The following XXYLT1 variants were observed in gnomAD, a reference collection of about 807,000 sequenced individuals.
XXYLT1 encodes the protein xyloside xylosyltransferase 1, also known as UDP-xylose:alpha-xyloside alpha-1,3-xylosyltransferase.
Under a neutral mutation model 28.9 loss-of-function variants are expected in XXYLT1, and 20 were observed. That is an observed-to-expected ratio of 0.69 (90% CI 0.49 to 1.00). The LOEUF (loss-of-function observed/expected upper bound fraction) is 1.00, where lower values mean the gene tolerates loss of function less well. XXYLT1 is among the 50% of genes least tolerant of loss of function. The pLI is 0.00. For synonymous variants in XXYLT1, 257 were observed against 253.8 expected (o/e 1.01, Z -0.12); for missense variants, 542 against 560.1 (o/e 0.97, Z 0.33).
At chr3:195,197,909 G>A (rs986671679) in intron 2 of XXYLT1, among the ~76,000 whole-genome samples, 2 of 152,224 alleles carry the variant, frequency 1.3e-5, no homozygotes, top group African/African-American at 4.8e-5. Flanking sequence ...CAAGGCTAGG[G>A]AAGAGCTCTA....
intron 3 of XXYLT1, among the ~76,000 whole-genome samples, chr3:195,123,843 C>T (rs1718487974): frequency 6.6e-6 from 1 of 152,198 alleles, no homozygotes; most frequent in African/African-American, 2.4e-5. Flanking sequence ...CCGCCCAGGA[C>T]ATCACCAGAA....
intron 2 of XXYLT1, among the ~76,000 whole-genome samples, chr3:195,224,224 T>C (rs1174404481): frequency 6.6e-6 from 1 of 152,166 alleles, no homozygotes; most frequent in Non-Finnish European, 1.5e-5. Context: ...AAAGACTGTG[T>C]GTTTGGGTCG....
intron 1 of XXYLT1, among the ~76,000 whole-genome samples, chr3:195,236,840 C>G (rs1348836939): frequency 6.6e-6 from 1 of 152,112 alleles, no homozygotes; most frequent in Non-Finnish European, 1.5e-5. Context: ...GGGTCCTTCC[C>G]TTCAGGGCAG....
chr3:195,204,341 C>CAA (rs962372077), intron 2 of XXYLT1, among the ~76,000 whole-genome samples: 6 of 106,780 alleles, frequency 5.6e-5, no homozygotes, highest in East Asian at 2.6e-4. Flanking sequence ...GACTCTGTCT[C>CAA]AAAAAAAAAA....
intron 2 of XXYLT1, among the ~76,000 whole-genome samples, chr3:195,182,854 C>T (rs1252040854): frequency 1.3e-5 from 2 of 152,204 alleles, no homozygotes; most frequent in African/African-American, 4.8e-5. Context: ...AAACAACTCC[C>T]TGAACCCCAA....
At chr3:195,254,676 G>A (rs942354174) in intron 1 of XXYLT1, among the ~76,000 whole-genome samples, 2 of 152,210 alleles carry the variant, frequency 1.3e-5, no homozygotes, top group South Asian at 2.1e-4. Flanking sequence ...AGGACCATGA[G>A]GTGGCATGCT....
chr3:195,184,609 A>G, intron 2 of XXYLT1: 1 of 985,384 alleles, frequency 1.0e-6, no homozygotes, highest in Non-Finnish European at 1.2e-6. Flanking sequence ...GAAACATTTA[A>G]GTCTCCCTGA....
At chr3:195,141,079 G>C (rs1348408306) in intron 3 of XXYLT1, among the ~76,000 whole-genome samples, 5 of 152,160 alleles carry the variant, frequency 3.3e-5, no homozygotes, top group Admixed American at 2.6e-4. Context: ...CCACATACCT[G>C]ATCTGCCAGC....
rs1719712783 is a variant in XXYLT1 at position 195,144,234 on chromosome 3, T to C, written c.785+12215A>G. Reference sequence around the variant, plus strand: ...TCCATCTCGAGTGTGATATGGCATGTGGACCGGGGACTGGGCCTCTTCTAA... The same window carrying C: ...TCCATCTCGAGTGTGATATGGCATGCGGACCGGGGACTGGGCCTCTTCTAA... On this transcript the variant is annotated intron_variant, in intron 3 of 3. Transcript: ENST00000310380. Among the ~76,000 whole-genome samples, 3 of 150,698 alleles carry C rather than the reference T, an allele frequency of 2.0e-5. No homozygotes were observed. In the Admixed American group the frequency reaches 2.0e-4, roughly 10 times the overall value.
chr3:195,180,636 G>C lies in XXYLT1; in HGVS notation c.653-24055C>G, dbSNP rs1176443844. ...TGGCTAAGAGCACCAGACGGCGGTGGCTGGAGCACCCCGTGCCACTGCAAA... is the reference window on the plus strand; with the variant it reads ...TGGCTAAGAGCACCAGACGGCGGTGCCTGGAGCACCCCGTGCCACTGCAAA... On this transcript the variant is annotated intron_variant, in intron 2 of 3. Coordinates refer to ENST00000310380, the MANE Select transcript of XXYLT1 (RefSeq NM_152531.5). The surrounding 1 kb of genome is among the most constrained non-coding windows in gnomAD (Gnocchi z 5.8). 3 of 797,180 alleles carry C rather than the reference G, an allele frequency of 3.8e-6. No individual in the cohort carries two copies. Among genetic ancestry groups the C allele is most frequent in the African/African-American group, 3.7e-5 (2 of 53,646 alleles). 49.4% of individuals were successfully genotyped at this position (797,180 alleles called of 1,614,324 possible).
chr3:195,261,247 ACATGGTGAAACC>A (rs1468414874), intron 1 of XXYLT1, among the ~76,000 whole-genome samples: 7 of 152,030 alleles, frequency 4.6e-5, no homozygotes, highest in Non-Finnish European at 8.8e-5. Context: ...AGCCTGGCCA[ACATGGTGAAACC>A]CTGTCTCTAC....
chr3:195,202,764 T>C (rs1178961852), intron 2 of XXYLT1, among the ~76,000 whole-genome samples: 1 of 152,240 alleles, frequency 6.6e-6, no homozygotes, highest in Non-Finnish European at 1.5e-5. Flanking sequence ...ACTTAGGTCA[T>C]CTTGGAAGAA....
intron 1 of XXYLT1, among the ~76,000 whole-genome samples, chr3:195,237,342 A>G (rs1724592896): frequency 6.6e-6 from 1 of 152,092 alleles, no homozygotes; most frequent in African/African-American, 2.4e-5. Flanking sequence ...TGCTGGCAGC[A>G]ATGAGTTCCA....
chr3:195,188,073 T>C (rs534374179), intron 2 of XXYLT1, among the ~76,000 whole-genome samples: 11 of 152,188 alleles, frequency 7.2e-5, no homozygotes, highest in Non-Finnish European at 1.0e-4. Context: ...AACATCTGAC[T>C]CTGGAGAAGG....
At chr3:195,268,993 GGGGAT>G (rs2108862726) in intron 1 of XXYLT1, among the ~76,000 whole-genome samples, 1 of 152,346 alleles carries the variant, frequency 6.6e-6, no homozygotes, top group African/African-American at 2.4e-5. Context: ...GCTCCAAGGA[GGGGAT>G]GGTATCTGAA....
intron 3 of XXYLT1, among the ~76,000 whole-genome samples, chr3:195,122,726 G>A (rs1459359346): frequency 6.6e-6 from 1 of 152,214 alleles, no homozygotes; most frequent in African/African-American, 2.4e-5. Context: ...CATTATTGAC[G>A]GCACGTAACA....
chr3:195,146,454 C>T (rs1036016385), intron 3 of XXYLT1, among the ~76,000 whole-genome samples: 4 of 152,248 alleles, frequency 2.6e-5, no homozygotes, highest in Non-Finnish European at 5.9e-5. Flanking sequence ...CACTGTAGCC[C>T]TGTCCAGACC....
intron 1 of XXYLT1, among the ~76,000 whole-genome samples, chr3:195,237,554 T>C (rs1163184284): frequency 1.3e-5 from 2 of 151,934 alleles, no homozygotes; most frequent in Non-Finnish European, 2.9e-5. Context: ...AAGGTGCTTT[T>C]TTGGTGTAGA....
chr3:195,205,105 C>A (rs1350483136), intron 2 of XXYLT1, among the ~76,000 whole-genome samples: 1 of 152,212 alleles, frequency 6.6e-6, no homozygotes, highest in East Asian at 1.9e-4. Context: ...GGCAAATCGC[C>A]AAACTCTGGA....
Sources: gnomAD v4.1 joint callset for allele counts (sites outside exome capture counted in the v4.1 genomes callset) on GRCh38, gnomAD v4.1.1 for gene constraint, Gnocchi (gnomAD v3.1) non-coding constraint, MANE v1.5 for transcripts, NCBI Gene and HGNC (gene_info 2026-07-23, HGNC 2026-07-21) for gene names.